Variants in VSTM2B observed in about 807,000 individuals in gnomAD.
The protein encoded by VSTM2B is V-set and transmembrane domain-containing protein 2B.
A neutral mutation model predicts 24.0 loss-of-function variants in VSTM2B; 24 were observed. The ratio of observed to expected loss-of-function variants is 1.00; its 90% CI spans 0.72 to 1.40. The LOEUF is 1.40. Ranked by LOEUF, VSTM2B falls within the 40% of genes most tolerant of loss-of-function variation. The pLI is 0.00. For synonymous variants in VSTM2B, 226 were observed against 194.4 expected, an observed-to-expected ratio of 1.16 and a Z score of -1.35; for missense variants, 399 against 416.4, an observed-to-expected ratio of 0.96 and a Z score of 0.36.
chr19:29,526,700 G>A lies in VSTM2B; in HGVS notation c.82+35G>A, dbSNP rs530212499. The A allele has an allele frequency of 4.7e-6, 7 of 1,498,810 alleles. No homozygotes were observed. The African/African-American group carries it at 9.8e-5, about 21-fold the overall frequency. The allele number at this position is 1,498,810 out of a possible 1,614,324, so 92.8% of individuals were successfully genotyped here. On this transcript the variant is annotated intron_variant, in intron 1 of 4. Coordinates refer to ENST00000335523, the MANE Select transcript of VSTM2B (RefSeq NM_001146339.2). The surrounding 1 kb of genome is among the most constrained non-coding windows in gnomAD (Gnocchi z 4.1). ...GGAACTTTGCTGCCGCTGTGGACTCGGGGGGGTCTTTGCTGGGGCCGCCAC... is the reference window on the plus strand; with the variant it reads ...GGAACTTTGCTGCCGCTGTGGACTCAGGGGGGTCTTTGCTGGGGCCGCCAC...
intron 4 of VSTM2B, among the ~76,000 whole-genome samples, chr19:29,546,466 G>A (rs1224197146): frequency 6.6e-6 from 1 of 152,206 alleles, no homozygotes; most frequent in African/African-American, 2.4e-5. Context: ...GAACGGGAAA[G>A]TGGTTTCTAC....
chr19:29,545,802 G>A (rs1480051699), intron 4 of VSTM2B, among the ~76,000 whole-genome samples: 1 of 152,160 alleles, frequency 6.6e-6, no homozygotes, highest in African/African-American at 2.4e-5. Context: ...ACATACAGGT[G>A]CAGGTGTCTT....
chr19:29,549,938 C>T (rs1345495395), intron 4 of VSTM2B, among the ~76,000 whole-genome samples: 1 of 152,264 alleles, frequency 6.6e-6, no homozygotes, highest in Admixed American at 6.5e-5. Context: ...AGGCAGACAG[C>T]CATCCCCATG....
intron 4 of VSTM2B, among the ~76,000 whole-genome samples, chr19:29,557,978 A>G (rs1011370136): frequency 8.5e-5 from 13 of 152,198 alleles, no homozygotes; most frequent in African/African-American, 2.9e-4. Context: ...TCCAGAAACT[A>G]CAAGGAACTT....
intron 2 of VSTM2B, among the ~76,000 whole-genome samples, chr19:29,527,788 C>G (rs1342263829): frequency 6.6e-6 from 1 of 152,132 alleles, no homozygotes; most frequent in East Asian, 1.9e-4. Context: ...CCCACGGCTG[C>G]GTTCCAGAGG....
intron 4 of VSTM2B, among the ~76,000 whole-genome samples, chr19:29,558,692 A>C (rs1157230221): frequency 6.6e-6 from 1 of 152,186 alleles, no homozygotes; most frequent in African/African-American, 2.4e-5. Flanking sequence ...GAGGAATGAC[A>C]CACACTGGGA....
At chr19:29,558,802 C>A (rs756439189) in intron 4 of VSTM2B, among the ~76,000 whole-genome samples, 9 of 152,124 alleles carry the variant, frequency 5.9e-5, no homozygotes, top group Admixed American at 2.0e-4. Flanking sequence ...CAGCAAACCA[C>A]CATGGCACAT....
rs1330092305 is a variant in VSTM2B at position 29,527,328 on chromosome 19, A to G, written c.200A>G (p.Tyr67Cys). Reference sequence around the variant, plus strand: ...TATTCGCTGGAGATTCAGTGGTGGTACCTCAAGGAGCCACCCCGGGAGCTG... The same window carrying G: ...TATTCGCTGGAGATTCAGTGGTGGTGCCTCAAGGAGCCACCCCGGGAGCTG... The part of the protein sequence containing the change: ...TSYSLEIQWW[Y>C]LKEPPRELLH... Residue 67 changes from tyrosine (Y) to cysteine (C), a missense_variant, in exon 2 of 5, where the codon TAC becomes TGC. By Grantham distance (194) the Tyr-to-Cys change is radical. Transcript: ENST00000335523. The G allele has an allele frequency of 5.2e-6, 8 of 1,549,576 alleles. No homozygotes were observed. The highest frequency in any genetic ancestry group is 7.0e-6 in the Non-Finnish European group (8 of 1,146,660).
At chr19:29,552,383 C>A (rs1970305531) in intron 4 of VSTM2B, among the ~76,000 whole-genome samples, 1 of 152,238 alleles carries the variant, frequency 6.6e-6, no homozygotes, top group Non-Finnish European at 1.5e-5. Flanking sequence ...TAACCAGGTT[C>A]TCTCACTGGT....
intron 4 of VSTM2B, 71 bp downstream of exon 4, chr19:29,530,361 G>C (rs1969720250): frequency 7.4e-7 from 1 of 1,349,818 alleles, no homozygotes; most frequent in Non-Finnish European, 9.6e-7. Context: ...GGACGCCCCG[G>C]GGGGCTCCGG....
At chr19:29,563,016 C>CAAGG (rs1970569803) in intron 4 of VSTM2B, among the ~76,000 whole-genome samples, 1 of 152,082 alleles carries the variant, frequency 6.6e-6, no homozygotes, top group South Asian at 2.1e-4. Context: ...AGTGGACAGA[C>CAAGG]AAGGTTGCTG....
At chr19:29,552,375 A>T (rs10411401) in intron 4 of VSTM2B, among the ~76,000 whole-genome samples, 13,308 of 152,278 alleles carry the variant, frequency 0.087, 1,209 homozygotes, top group African/African-American at 0.23. Flanking sequence ...AACTGGGGTA[A>T]CCAGGTTCTC....
At position 29,543,389 on chromosome 19, in the gene VSTM2B, T is replaced by A. The variant is rs1353091048; in HGVS notation, c.769+13099T>A. On this transcript the variant is annotated intron_variant, in intron 4 of 4. Transcript: ENST00000335523. ...AATTAAAATATGTTAACCTTTTGGT[T>A]AAATTGTGTTTCTAAAGAAAAGTCC... is the stretch of plus-strand genomic sequence containing the variant. Among the ~76,000 whole-genome samples, 3 of 152,222 alleles carry A rather than the reference T, an allele frequency of 2.0e-5. No homozygotes were observed. In the East Asian group the frequency reaches 5.8e-4, roughly 29 times the overall value.
In VSTM2B at chr19:29,531,630, G is replaced by A. The variant is rs183403683; in HGVS notation, c.769+1340G>A. Among the ~76,000 whole-genome samples the A allele has an allele frequency of 7.9e-5, 12 of 152,264 alleles. No homozygotes were observed. The East Asian group carries it at 2.1e-3, about 27-fold the overall frequency. On this transcript the variant is annotated intron_variant, in intron 4 of 4. Transcript: ENST00000335523. ...GCGTCTCAGGCTATTGGCTTGATCCGAAGGCCTCATCCGTCTTGGATGCCA... is the reference window on the plus strand; with the variant it reads ...GCGTCTCAGGCTATTGGCTTGATCCAAAGGCCTCATCCGTCTTGGATGCCA...
intron 4 of VSTM2B, 65 bp downstream of exon 4, chr19:29,530,355 GC>G: frequency 7.3e-7 from 1 of 1,362,228 alleles, no homozygotes; most frequent in Non-Finnish European, 9.5e-7. Context: ...GCGCCGGGAC[GC>G]CCCGGGGGGC....
chr19:29,557,217 A>G (rs578206869), intron 4 of VSTM2B, among the ~76,000 whole-genome samples: 6 of 152,312 alleles, frequency 3.9e-5, no homozygotes, highest in Non-Finnish European at 8.8e-5. Context: ...AGAATAGAGA[A>G]CTCAGAAATA....
chr19:29,562,035 C>T (rs183093034), intron 4 of VSTM2B, among the ~76,000 whole-genome samples: 32 of 152,282 alleles, frequency 2.1e-4, no homozygotes, highest in Admixed American at 1.8e-3. Context: ...GCTTCTCAGC[C>T]GGGGCCCAGA....
At position 29,527,359 on chromosome 19, in the gene VSTM2B, C is replaced by T. The variant is rs1327449845; in HGVS notation, c.231C>T (p.His77=). 3.9e-6 allele frequency: 6 copies of T among 1,544,604 alleles called. No homozygotes were observed. Among genetic ancestry groups the T allele is most frequent in the African/African-American group, 1.4e-5 (1 of 72,476 alleles). Residue 77 remains histidine, a synonymous_variant, in exon 2 of 5, where the codon CAC becomes CAT. Transcript: ENST00000335523. ...AGGAGCCACCCCGGGAGCTGCTGCA[C>T]GAGCTGGCGCTCAGCGTGCCGGGCG... ...YLKEPPRELL[H]ELALSVPGAR... is the part of the protein sequence containing the mutation.
Position 29,528,604 on chromosome 19 carries a change from C to G in VSTM2B, c.297+142C>G, listed in dbSNP as rs532146838. ...AGCGATCGCAGCCTTGCATCGGTGG[C>G]TGCTCGGCGTGTCCGGGCGCCATCT... is the stretch of plus-strand genomic sequence containing the variant. On this transcript the variant is annotated intron_variant, in intron 3 of 4. Coordinates refer to ENST00000335523, the MANE Select transcript of VSTM2B (RefSeq NM_001146339.2). 5.2e-5 allele frequency: 56 copies of G among 1,074,848 alleles called. 1 individual carries two copies. The South Asian group carries it at 8.5e-4, about 16-fold the overall frequency. The allele number at this position is 1,074,848 out of a possible 1,614,324, so 66.6% of individuals were successfully genotyped here. A position where few individuals can be genotyped will look rare whatever the true frequency, so the allele number is the denominator to read the frequency against.
Sources: allele counts gnomAD v4.1 joint callset (sites outside exome capture counted in the v4.1 genomes callset), GRCh38; gene constraint gnomAD v4.1.1; non-coding constraint Gnocchi (gnomAD v3.1); transcripts MANE v1.5; gene names NCBI Gene and HGNC (gene_info 2026-07-23, HGNC 2026-07-21).